SYCP1: variants seen among roughly 807,000 people sequenced by gnomAD.
SYCP1 encodes the protein synaptonemal complex protein 1.
A neutral mutation model predicts 153.1 loss-of-function variants in SYCP1; 64 were observed. The ratio of observed to expected loss-of-function variants is 0.42; its 90% CI spans 0.34 to 0.51. The LOEUF is 0.51. Ranked by LOEUF, SYCP1 falls within the 20% of genes least tolerant of loss-of-function variation. The pLI, the probability that SYCP1 is intolerant of heterozygous loss-of-function variation, is 0.06. For synonymous variants in SYCP1, 384 were observed against 341.8 expected (o/e 1.12, Z -1.36); for missense variants, 997 against 1,049.0 (o/e 0.95, Z 0.68).
At chr1:114,983,363 G>A (rs1673288838) in intron 29 of SYCP1, among the ~76,000 whole-genome samples, 1 of 151,882 alleles carries the variant, frequency 6.6e-6, no homozygotes, top group Admixed American at 6.6e-5. Context: ...TCACGTTGCT[G>A]CAAAGTTAAA....
chr1:114,953,757 T>G (rs1477534085), intron 27 of SYCP1, among the ~76,000 whole-genome samples: 2 of 152,232 alleles, frequency 1.3e-5, no homozygotes, highest in Admixed American at 1.3e-4. Flanking sequence ...CTGTCAAGAT[T>G]GTTTTAGATG....
rs777979727 is a variant in SYCP1 at position 114,923,534 on chromosome 1, T to C, written c.1800+4T>C. On this transcript the variant is annotated splice_donor_region_variant and intron_variant, in intron 21 of 31. Transcript: ENST00000369522. Reference sequence around the variant, plus strand: ...ATTGGACAAGAGTGAAGAAAATGTATGTTATATTTAATAATGGATCGTATC... The same window carrying C: ...ATTGGACAAGAGTGAAGAAAATGTACGTTATATTTAATAATGGATCGTATC... The C allele has an allele frequency of 7.6e-6, 12 of 1,575,568 alleles. 1 individual carries two copies. The South Asian group carries it at 1.3e-4, about 17-fold the overall frequency.
At chr1:114,870,817 G>A (rs529479587) in intron 8 of SYCP1, among the ~76,000 whole-genome samples, 8 of 152,148 alleles carry the variant, frequency 5.3e-5, no homozygotes, top group Non-Finnish European at 1.0e-4. Context: ...GATCCACTCT[G>A]ACAATCTCTT....
chr1:114,859,822 T>A lies in SYCP1; in HGVS notation c.524+12T>A, dbSNP rs1156627335. The A allele has an allele frequency of 2.9e-6, 2 of 679,630 alleles. No homozygotes were observed. Among genetic ancestry groups the A allele is most frequent in the South Asian group, 2.2e-5 (1 of 45,328 alleles). The allele number at this position is 679,630 out of a possible 1,614,324, so 42.1% of individuals were successfully genotyped here. A position where few individuals can be genotyped will look rare whatever the true frequency, so the allele number is the denominator to read the frequency against. The stretch of plus-strand genomic sequence containing the variant: ...GATTTAATAAAAGAGTAAGTAGTAA[T>A]TTAATGAATTTGTTCTTTTCACATT... On this transcript the variant is annotated intron_variant, in intron 7 of 31. Coordinates refer to ENST00000369522, the MANE Select transcript of SYCP1 (RefSeq NM_003176.4).
At chr1:114,938,862 T>C (rs1163017841) in intron 23 of SYCP1, among the ~76,000 whole-genome samples, 1 of 152,122 alleles carries the variant, frequency 6.6e-6, no homozygotes, top group East Asian at 1.9e-4. Flanking sequence ...TCATGAGATA[T>C]TACCTCATAC....
intron 27 of SYCP1, among the ~76,000 whole-genome samples, chr1:114,975,979 A>G (rs891314057): frequency 1.3e-5 from 2 of 151,832 alleles, no homozygotes; most frequent in South Asian, 2.1e-4. Context: ...TTATGGTTCC[A>G]TGGGCTCACC....
chr1:114,876,913 CTA>C lies in SYCP1; in HGVS notation c.801+105_801+106del, dbSNP rs1374649169. On this transcript the variant is annotated intron_variant, in intron 11 of 31. Coordinates refer to ENST00000369522, the MANE Select transcript of SYCP1 (RefSeq NM_003176.4). ...TATTTACTGAAAGTATGATAAATTC[CTA>C]TGAGAGAATTTTAATATTATACATA... 7.3e-6 allele frequency: 4 copies of C among 550,072 alleles called. No homozygotes were observed. In the African/African-American group the frequency reaches 7.9e-5, roughly 11 times the overall value. 34.1% of individuals were successfully genotyped at this position (550,072 alleles called of 1,614,324 possible).
intron 30 of SYCP1, among the ~76,000 whole-genome samples, chr1:114,985,116 A>G (rs1673412288): frequency 6.6e-6 from 1 of 151,750 alleles, no homozygotes; most frequent in African/African-American, 2.4e-5. Context: ...CACAATGGGC[A>G]TACGATATGA....
At chr1:114,945,897 A>G (rs866976185) in intron 25 of SYCP1, among the ~76,000 whole-genome samples, 16 of 152,272 alleles carry the variant, frequency 1.1e-4, no homozygotes, top group South Asian at 8.3e-4. Flanking sequence ...CATCATTTAC[A>G]TTAGGTATAT....
intron 8 of SYCP1, among the ~76,000 whole-genome samples, chr1:114,864,387 T>C (rs902725121): frequency 6.6e-6 from 1 of 152,140 alleles, no homozygotes; most frequent in African/African-American, 2.4e-5. Flanking sequence ...TTCAATCTTT[T>C]CAGGTCACAA....
chr1:114,939,705 A>G (rs1223265256), intron 23 of SYCP1, among the ~76,000 whole-genome samples: 1 of 152,184 alleles, frequency 6.6e-6, no homozygotes, highest in Non-Finnish European at 1.5e-5. Context: ...TGGTATTGCC[A>G]TTACATGGTT....
rs954191782 is a variant in SYCP1 at position 114,977,610 on chromosome 1, A to G, written c.2376A>G (p.Lys792=). The G allele has an allele frequency of 6.7e-6, 10 of 1,501,106 alleles. No individual in the cohort carries two copies. Among genetic ancestry groups the G allele is most frequent in the Non-Finnish European group, 8.0e-6 (9 of 1,118,338 alleles). 93.0% of individuals were successfully genotyped at this position (1,501,106 alleles called of 1,614,324 possible). The part of the protein sequence containing the change: ...KENTATLKEK[K]DKKTQTFLLE... ...ACACAGCTACTCTTAAAGAAAAAAA[A>G]GACAAGGTAAGAGCATATAATTCTC... The change falls in exon 28 of 32, where the codon AAA becomes AAG. Residue 792 remains lysine, a synonymous_variant. Coordinates refer to ENST00000369522, the MANE Select transcript of SYCP1 (RefSeq NM_003176.4).
At chr1:114,902,932 C>T (rs1557785342) in intron 16 of SYCP1, among the ~76,000 whole-genome samples, 1 of 152,086 alleles carries the variant, frequency 6.6e-6, no homozygotes, top group Non-Finnish European at 1.5e-5. Context: ...GTAATCTCAG[C>T]ACTTTGGGAA....
chr1:114,925,034 T>C (rs1051321388), intron 21 of SYCP1, among the ~76,000 whole-genome samples: 3 of 152,128 alleles, frequency 2.0e-5, no homozygotes, highest in African/African-American at 7.2e-5. Flanking sequence ...TCTTATTTTA[T>C]AAATTGGGAA....
intron 16 of SYCP1, 50 bp from the exon 17 acceptor site, chr1:114,910,347 T>C: frequency 7.6e-7 from 1 of 1,307,658 alleles, no homozygotes. Context: ...TTGATTACTT[T>C]CACTATGTGT....
At chr1:114,927,646 A>G (rs563700207) in intron 23 of SYCP1, among the ~76,000 whole-genome samples, 6 of 152,306 alleles carry the variant, frequency 3.9e-5, no homozygotes, top group African/African-American at 9.6e-5. Flanking sequence ...ATACAAATGA[A>G]TCAAGTGTCA....
intron 12 of SYCP1, among the ~76,000 whole-genome samples, chr1:114,884,196 G>A (rs1027296278): frequency 1.3e-5 from 2 of 152,126 alleles, no homozygotes; most frequent in Admixed American, 6.5e-5. Context: ...TCTTGTCCTT[G>A]TTACGTTTCC....
At chr1:114,911,168 A>G (rs1668152913) in intron 17 of SYCP1, among the ~76,000 whole-genome samples, 1 of 151,924 alleles carries the variant, frequency 6.6e-6, no homozygotes, top group Admixed American at 6.6e-5. Context: ...ATCAATTAAT[A>G]TATTTCTCCT....
chr1:114,940,013 G>A (rs1211377056), intron 23 of SYCP1, among the ~76,000 whole-genome samples: 2 of 152,114 alleles, frequency 1.3e-5, no homozygotes, highest in Non-Finnish European at 2.9e-5. Context: ...GTAATAGCCT[G>A]TTTTTAATCT....
Sources: allele counts gnomAD v4.1 joint callset (sites outside exome capture counted in the v4.1 genomes callset), GRCh38; gene constraint gnomAD v4.1.1; transcripts MANE v1.5; gene names NCBI Gene and HGNC (gene_info 2026-07-23, HGNC 2026-07-21).